POLB: variants seen among roughly 807,000 people sequenced by gnomAD.
The protein encoded by POLB is 5'-dRP lyase.
A neutral mutation model predicts 52.7 loss-of-function variants in POLB; 37 were observed. That is an observed-to-expected ratio of 0.70 (90% CI 0.54 to 0.92). POLB has a LOEUF of 0.92. POLB is among the 40% of genes least tolerant of loss of function. The probability of loss-of-function intolerance (pLI) is 0.00; values close to 1 mark genes in which losing one functional copy is unlikely to be tolerated. For synonymous variants in POLB, 138 were observed against 131.3 expected (o/e 1.05, Z -0.35); for missense variants, 313 against 400.8 (o/e 0.78, Z 1.87).
In POLB at chr8:42,369,831, A is replaced by T; in HGVS notation, c.774-18A>T. On this transcript the variant is annotated intron_variant, in intron 12 of 13. Coordinates refer to ENST00000265421, the MANE Select transcript of POLB (RefSeq NM_002690.3). ...AAATGCATGGTAAAAAAATGTATCT[A>T]CTGTCCATTTTTTTTAGGTTGATAC... 1 of 1,542,252 alleles carries T rather than the reference A, an allele frequency of 6.5e-7. No individual in the cohort carries two copies. Among genetic ancestry groups the T allele is most frequent in the Non-Finnish European group, 8.8e-7 (1 of 1,139,130 alleles).
intron 5 of POLB, among the ~76,000 whole-genome samples, chr8:42,352,277 A>G (rs1049550528): frequency 4.6e-5 from 7 of 152,206 alleles, no homozygotes; most frequent in South Asian, 4.1e-4. Flanking sequence ...CCATCTGTAC[A>G]TGGGCACTAT....
chr8:42,349,549 C>T (rs1008609584), intron 4 of POLB, among the ~76,000 whole-genome samples: 17 of 152,152 alleles, frequency 1.1e-4, no homozygotes, highest in African/African-American at 4.1e-4. Flanking sequence ...CCACCACACC[C>T]AGCTAATTTT....
intron 6 of POLB, among the ~76,000 whole-genome samples, chr8:42,353,269 C>T (rs563919132): frequency 1.3e-5 from 2 of 151,238 alleles, no homozygotes; most frequent in Admixed American, 6.6e-5. Context: ...CCACCACACC[C>T]GGCTAATTTT....
intron 6 of POLB, among the ~76,000 whole-genome samples, chr8:42,354,750 G>A (rs951569605): frequency 6.6e-6 from 1 of 151,794 alleles, no homozygotes; most frequent in Admixed American, 6.6e-5. Flanking sequence ...CACCATGTTG[G>A]TCAGGCTGGT....
At chr8:42,360,547 CTA>C (rs1823610061) in intron 9 of POLB, among the ~76,000 whole-genome samples, 2 of 151,180 alleles carry the variant, frequency 1.3e-5, no homozygotes, top group African/African-American at 4.9e-5. Context: ...AAACTGAGGT[CTA>C]GAGGAATGAA....
intron 11 of POLB, among the ~76,000 whole-genome samples, chr8:42,363,064 G>C (rs181765736): frequency 7.3e-5 from 11 of 151,716 alleles, no homozygotes; most frequent in South Asian, 4.2e-4. Context: ...ACGGAGGTGC[G>C]GTGAGCATAG....
intron 2 of POLB, among the ~76,000 whole-genome samples, chr8:42,341,461 T>C (rs1312628434): frequency 6.6e-6 from 1 of 152,252 alleles, no homozygotes; most frequent in Non-Finnish European, 1.5e-5. Flanking sequence ...ATTTGTGCTA[T>C]AACAGAATGC....
chr8:42,351,090 G>A (rs1019618540), intron 5 of POLB, among the ~76,000 whole-genome samples: 1 of 152,140 alleles, frequency 6.6e-6, no homozygotes, highest in Non-Finnish European at 1.5e-5. Flanking sequence ...GCCTAGGCTG[G>A]TCTTGAACTC....
At chr8:42,357,247 TTTGATTAGAA>T (rs1432730931) in intron 8 of POLB, 24 bp downstream of exon 8, 1 of 1,499,298 alleles carries the variant, frequency 6.7e-7, no homozygotes. Context: ...AATTATATTC[TTTGATTAGAA>T]TTGAGAGTGT....
intron 13 of POLB, chr8:42,370,193 T>C (rs1585925909): frequency 1.5e-6 from 1 of 674,152 alleles, no homozygotes; most frequent in East Asian, 2.9e-5. Flanking sequence ...CAAGCGTTAG[T>C]TCCAGCTTTG....
At chr8:42,371,186 C>T (rs1030708481) in intron 13 of POLB, among the ~76,000 whole-genome samples, 5 of 152,134 alleles carry the variant, frequency 3.3e-5, no homozygotes, top group African/African-American at 7.2e-5. Flanking sequence ...TGCAATGGCA[C>T]ATTCTCGGCT....
chr8:42,338,917 C>A, intron 1 of POLB, 95 bp from the exon 2 acceptor site: 1 of 1,144,694 alleles, frequency 8.7e-7, no homozygotes, highest in Non-Finnish European at 1.3e-6. Flanking sequence ...CGGGTGGTCA[C>A]TGTCTCTTAG....
chr8:42,371,530 T>A, intron 13 of POLB, 33 bp from the exon 14 acceptor site: 1 of 1,299,124 alleles, frequency 7.7e-7, no homozygotes, highest in South Asian at 1.2e-5. Context: ...TAAAACTGGT[T>A]CTTACAATAA....
At chr8:42,359,521 ATTTTTTTTTTTT>A (rs900964546) in intron 9 of POLB, among the ~76,000 whole-genome samples, 53 of 110,540 alleles carry the variant, frequency 4.8e-4, no homozygotes, top group Admixed American at 6.3e-4. Context: ...CACCCGGCTA[ATTTTTTTTTTTT>A]TTTTTTTTTT....
chr8:42,349,322 C>T (rs1822823126), intron 4 of POLB: 3 of 356,658 alleles, frequency 8.4e-6, no homozygotes, highest in Admixed American at 9.1e-5. Flanking sequence ...TCATCGTTTT[C>T]AGTACTATTC....
chr8:42,367,443 A>C (rs1378408074), intron 11 of POLB, among the ~76,000 whole-genome samples: 1 of 152,194 alleles, frequency 6.6e-6, no homozygotes, highest in East Asian at 1.9e-4. Context: ...ATAGCCAGGC[A>C]GGAGTCCGAG....
chr8:42,347,060 G>T (rs1168566817), intron 3 of POLB, among the ~76,000 whole-genome samples: 1 of 151,974 alleles, frequency 6.6e-6, no homozygotes, highest in Non-Finnish European at 1.5e-5. Context: ...CAAATAGCCT[G>T]CTCATTTCTT....
intron 11 of POLB, among the ~76,000 whole-genome samples, chr8:42,366,104 G>GA (rs113409823): frequency 0.12 from 17,118 of 141,006 alleles, 1,851 homozygotes; most frequent in African/African-American, 0.29. Context: ...CCTCCCAAAG[G>GA]AAAAAAAAAA....
intron 2 of POLB, among the ~76,000 whole-genome samples, chr8:42,344,134 C>CAAAAAA (rs34085444): frequency 1.7e-5 from 1 of 59,020 alleles, no homozygotes; most frequent in African/African-American, 6.2e-5. Flanking sequence ...GACTCCGTCT[C>CAAAAAA]AAAAAAAAAA....
Sources: gnomAD v4.1 joint callset for allele counts (sites outside exome capture counted in the v4.1 genomes callset) on GRCh38, gnomAD v4.1.1 for gene constraint, MANE v1.5 for transcripts, NCBI Gene and HGNC (gene_info 2026-07-23, HGNC 2026-07-21) for gene names.